TAB3: variants seen among roughly 807,000 people sequenced by gnomAD.
TAB3 encodes TGF-beta activated kinase 1 (MAP3K7) binding protein 3, also known as TGF-beta-activated kinase 1 and MAP3K7-binding protein 3.
In TAB3, 18 loss-of-function variants were observed where a neutral mutation model predicts 48.1. That is an observed-to-expected ratio of 0.37 (90% CI 0.26 to 0.55). The LOEUF (loss-of-function observed/expected upper bound fraction) is 0.55. TAB3 is among the 20% of genes least tolerant of loss of function. The pLI is 0.78. For synonymous variants in TAB3, 185 were observed against 190.2 expected (o/e 0.97, Z 0.22); for missense variants, 414 against 549.8 (o/e 0.75, Z 2.47).
Position 30,855,375 on chromosome X carries a change from G to A in TAB3, c.290C>T (p.Thr97Ile), listed in dbSNP as rs1233356654. 8.3e-7 allele frequency: 1 copy of A among 1,211,289 alleles called. No individual in the cohort carries two copies. The highest frequency in any genetic ancestry group is 1.1e-6 in the Non-Finnish European group (1 of 895,186). ...TCCATCACTTGAGCTATGTACCAGT[G>A]TTCGACCACCATTAAGTTGGGCTCC... The part of the protein sequence containing the change: ...GDGAQLNGGR[T>I]LVHSSSDGHI... The change falls in exon 6 of 11, where the codon ACA becomes ATA. Residue 97 changes from threonine (T) to isoleucine (I), a missense_variant. Physicochemically the swap from Thr to Ile is moderately conservative, Grantham distance 89 (BLOSUM62 -1). Transcript: ENST00000288422.
chrX:30,834,423 T>G (rs373300291), intron 9 of TAB3, among the ~76,000 whole-genome samples: 10 of 112,188 alleles, frequency 8.9e-5, no homozygotes, highest in African/African-American at 2.9e-4. Context: ...TGTTTTCTAC[T>G]TTTTAATGGA....
At chrX:30,851,376 G>A (rs1380450966) in intron 7 of TAB3, among the ~76,000 whole-genome samples, 1 of 111,249 alleles carries the variant, frequency 9.0e-6, no homozygotes, top group Non-Finnish European at 1.9e-5. Flanking sequence ...TTATGCCAGG[G>A]AACTGTAGTT....
intron 10 of TAB3, 72 bp from the exon 11 acceptor site, chrX:30,831,647 T>C: frequency 9.3e-7 from 1 of 1,076,208 alleles, no homozygotes; most frequent in South Asian, 2.7e-5. Context: ...TAATCCAAAC[T>C]GAAAAGAAAA....
chrX:30,842,463 A>G (rs180891224), intron 9 of TAB3, among the ~76,000 whole-genome samples: 39 of 112,256 alleles, frequency 3.5e-4, no homozygotes, highest in Admixed American at 3.2e-3. Flanking sequence ...TATGTAATAT[A>G]GTGTTTCAGC....
At chrX:30,878,072 C>T (rs1473085205) in intron 1 of TAB3, among the ~76,000 whole-genome samples, 1 of 112,269 alleles carries the variant, frequency 8.9e-6, no homozygotes, top group Non-Finnish European at 1.9e-5. Context: ...CTTAATTCAC[C>T]AGAACAATAT....
chrX:30,851,544 T>A (rs1212823364), intron 7 of TAB3, among the ~76,000 whole-genome samples: 2 of 112,044 alleles, frequency 1.8e-5, no homozygotes, highest in Admixed American at 9.5e-5. Context: ...CTTATGAAAA[T>A]CTGATGAAAG....
chrX:30,859,618 T>C lies in TAB3; in HGVS notation c.-30A>G. On this transcript the variant is annotated 5_prime_UTR_variant, in exon 5 of 11. Transcript: ENST00000288422. ...GAGCAAATGGTGGCCAAGTTTCTCT[T>C]AGGAAATGGATGTTAACCGGCTTTC... 3 of 1,060,152 alleles carry C rather than the reference T, an allele frequency of 2.8e-6. No individual in the cohort carries two copies. Among genetic ancestry groups the C allele is most frequent in the Non-Finnish European group, 3.9e-6 (3 of 762,966 alleles). The allele number at this position is 1,060,152 out of a possible 1,213,427, so 87.4% of individuals were successfully genotyped here. A position where few individuals can be genotyped will look rare whatever the true frequency, so the allele number is the denominator to read the frequency against.
At chrX:30,862,628 C>T (rs185989969) in intron 4 of TAB3, among the ~76,000 whole-genome samples, 50 of 111,936 alleles carry the variant, frequency 4.5e-4, no homozygotes, top group African/African-American at 1.6e-3. Flanking sequence ...ATTTTTATCA[C>T]TATAATTAGC....
intron 1 of TAB3, among the ~76,000 whole-genome samples, chrX:30,878,501 C>CAAAA (rs548109087): frequency 3.9e-5 from 2 of 51,675 alleles, no homozygotes; most frequent in Admixed American, 2.2e-4. Flanking sequence ...GACTCCATCT[C>CAAAA]AAAAAAAAAA....
At chrX:30,863,232 C>G (rs1238743133) in intron 4 of TAB3, among the ~76,000 whole-genome samples, 1 of 112,343 alleles carries the variant, frequency 8.9e-6, no homozygotes, top group Non-Finnish European at 1.9e-5. Flanking sequence ...CGCTAACTGA[C>G]ATGAATAATC....
intron 7 of TAB3, among the ~76,000 whole-genome samples, chrX:30,847,538 A>G (rs1938670334): frequency 9.2e-6 from 1 of 108,567 alleles, no homozygotes; most frequent in African/African-American, 3.3e-5. Context: ...ATAGTAAAAA[A>G]GTCAAAGTTT....
chrX:30,884,785 C>G (rs1940086263), intron 1 of TAB3, among the ~76,000 whole-genome samples: 1 of 112,086 alleles, frequency 8.9e-6, no homozygotes, highest in African/African-American at 3.2e-5. Flanking sequence ...AACACGCTAA[C>G]ACTTTATTTT....
rs751965433 is a variant in TAB3 at position 30,854,277 on chromosome X, G to A, written c.1388C>T (p.Thr463Met). The stretch of plus-strand genomic sequence containing the variant: ...CACTAAATTTAAAAGATTTTCAGTC[G>A]TTGCTCGGCCTACGGTAATTTTAAA... ...TVFKITVGRATTENLLNLVDQ... is the reference protein window; with the variant it reads ...TVFKITVGRAMTENLLNLVDQ... Residue 463 changes from threonine (T) to methionine (M), a missense_variant, in exon 6 of 11, where the codon ACG becomes ATG. Coordinates refer to ENST00000288422, the MANE Select transcript of TAB3 (RefSeq NM_152787.5). 1.1e-5 allele frequency: 13 copies of A among 1,209,645 alleles called. No individual in the cohort carries two copies. Among genetic ancestry groups the A allele is most frequent in the African/African-American group, 5.3e-5 (3 of 56,972 alleles).
At chrX:30,842,652 ACAAAAAAT>A (rs1938490454) in intron 9 of TAB3, among the ~76,000 whole-genome samples, 1 of 62,054 alleles carries the variant, frequency 1.6e-5, no homozygotes, top group East Asian at 4.4e-4. Context: ...TCCCATCTCT[ACAAAAAAT>A]AAAAAAAAAT....
intron 9 of TAB3, chrX:30,835,473 GTGCTCAGATTGAGTT>G (rs1182187764): frequency 8.9e-6 from 1 of 112,545 alleles, no homozygotes; most frequent in African/African-American, 3.3e-5. Context: ...TCCCTCTATG[GTGCTCAGATTGAGTT>G]TGAACAAGGT....
intron 7 of TAB3, among the ~76,000 whole-genome samples, chrX:30,851,263 C>G (rs1263876277): frequency 8.9e-6 from 1 of 111,798 alleles, no homozygotes; most frequent in African/African-American, 3.3e-5. Flanking sequence ...CAAAAACTCC[C>G]ACTTGTTCCC....
At chrX:30,877,108 G>T in intron 1 of TAB3, among the ~76,000 whole-genome samples, 1 of 111,903 alleles carries the variant, frequency 8.9e-6, no homozygotes, top group East Asian at 2.8e-4. Flanking sequence ...GGCAGAGGTG[G>T]GGAGATTACT....
At chrX:30,835,696 C>T (rs192532378) in intron 9 of TAB3, 12 of 112,232 alleles carry the variant, frequency 1.1e-4, no homozygotes, top group South Asian at 3.7e-4. Context: ...ATTCTAAGCC[C>T]GCTGAAGAGC....
rs1435421667 is a variant in TAB3, at chrX:30,883,105, T to C, written c.-383+6009A>G. Among the ~76,000 whole-genome samples the C allele has an allele frequency of 2.7e-5, 3 of 111,290 alleles. 1 individual carries two copies. The highest frequency in any genetic ancestry group is 7.5e-4 in the South Asian group (2 of 2,663). Reference sequence around the variant, plus strand: ...GAAATGGAGTGGGTTCACAGAAGAATGCTATTTCTCCAACATTAAAAAATA... The same window carrying C: ...GAAATGGAGTGGGTTCACAGAAGAACGCTATTTCTCCAACATTAAAAAATA... On this transcript the variant is annotated intron_variant, in intron 1 of 10. Coordinates refer to ENST00000288422, the MANE Select transcript of TAB3 (RefSeq NM_152787.5).
Sources: gnomAD v4.1 joint callset for allele counts (sites outside exome capture counted in the v4.1 genomes callset) on GRCh38, gnomAD v4.1.1 for gene constraint, MANE v1.5 for transcripts, NCBI Gene and HGNC (gene_info 2026-07-23, HGNC 2026-07-21) for gene names.